AKR1B15: variants seen among roughly 807,000 people sequenced by gnomAD.
The protein encoded by AKR1B15 is estradiol 17-beta-dehydrogenase AKR1B15.
AKR1B15 carries 49 observed loss-of-function variants against 38.5 expected under a neutral mutation model. The ratio of observed to expected loss-of-function variants is 1.27; its 90% CI spans 1.01 to 1.62. AKR1B15 has a LOEUF of 1.62. Among genes scored for constraint, AKR1B15 ranks in the 40% most tolerant of loss-of-function variants. AKR1B15 has a pLI of 0.00. For synonymous variants in AKR1B15, 137 were observed against 135.5 expected, an observed-to-expected ratio of 1.01 and a Z score of -0.08; for missense variants, 411 against 381.6, an observed-to-expected ratio of 1.08 and a Z score of -0.64.
intron 1 of AKR1B15, 103 bp downstream of exon 1, chr7:134,549,352 G>A (rs886926500): frequency 2.0e-5 from 3 of 152,210 alleles, no homozygotes; most frequent in African/African-American, 7.2e-5. Context: ...ACAGAGTCCT[G>A]GTTTCTGTCA....
rs1157971333 is a variant in AKR1B15 at position 134,552,196 on chromosome 7, A to G, written c.-147+2947A>G. 3.9e-5 allele frequency among the ~76,000 whole-genome samples: 6 copies of G among 152,220 alleles called. No individual in the cohort carries two copies. The South Asian group carries it at 6.2e-4, about 16-fold the overall frequency. On this transcript the variant is annotated intron_variant, in intron 1 of 11. Transcript: ENST00000457545. ...CCTCCTCGGATGAGACCTGCTTCAT[A>G]AGCTACAGGCGTCCATCTCCTTCTC... is the stretch of plus-strand genomic sequence containing the variant.
chr7:134,552,925 G>T (rs1484026368), intron 1 of AKR1B15, among the ~76,000 whole-genome samples: 1 of 152,040 alleles, frequency 6.6e-6, no homozygotes, highest in East Asian at 1.9e-4. Flanking sequence ...CACCCTAACT[G>T]CACTCTTCTC....
chr7:134,566,561 A>G (rs1794540143), intron 3 of AKR1B15, among the ~76,000 whole-genome samples: 1 of 152,146 alleles, frequency 6.6e-6, no homozygotes, highest in Non-Finnish European at 1.5e-5. Flanking sequence ...TTGTTCCATC[A>G]CTGCCTCCCT....
At chr7:134,563,754 C>T (rs1794472584) in intron 2 of AKR1B15, among the ~76,000 whole-genome samples, 3 of 152,156 alleles carry the variant, frequency 2.0e-5, no homozygotes, top group Admixed American at 2.0e-4. Context: ...ATCTTTCAGT[C>T]ACTTCACAAA....
At chr7:134,565,649 TG>T in intron 3 of AKR1B15, 1 of 1,534,610 alleles carries the variant, frequency 6.5e-7, no homozygotes, top group African/African-American at 1.4e-5. Context: ...GGTAGGGGTT[TG>T]GAGAGGTGAA....
At position 134,576,417 on chromosome 7, in the gene AKR1B15, A is replaced by C. The variant is rs137990610; in HGVS notation, c.812A>C (p.Lys271Thr). Reference sequence around the variant, plus strand: ...AAGGAGATTGCTGCAAAGCACAAAAAAACCACAGCCCAGGTACCATATTTT... The same window carrying C: ...AAGGAGATTGCTGCAAAGCACAAAACAACCACAGCCCAGGTACCATATTTT... Reference protein sequence around the residue: ...KIKEIAAKHKKTTAQVLIRFH... With the variant: ...KIKEIAAKHKTTTAQVLIRFH... The change falls in exon 9 of 12, where the codon AAA becomes ACA. Residue 271 changes from lysine (K) to threonine (T), a missense_variant. Lys to Thr is a moderately conservative substitution (Grantham distance 78). This residue lies in a region of AKR1B15 where 133 missense variants were observed against 120.3 expected (regional missense o/e 1.11). Coordinates refer to ENST00000457545, the MANE Select transcript of AKR1B15 (RefSeq NM_001080538.3). 216 of 1,614,134 alleles carry C rather than the reference A, an allele frequency of 1.3e-4. No individual in the cohort carries two copies. The East Asian group carries it at 3.6e-3, about 27-fold the overall frequency.
Position 134,579,786 on chromosome 7 carries a change from G to A in AKR1B15, c.*237G>A. ...AAATGACAATTTTTTCCACTTATCT[G>A]ATCTGATCAAATGTCTGTTAAGCAC... On this transcript the variant is annotated 3_prime_UTR_variant, in exon 12 of 12. Coordinates refer to ENST00000457545, the MANE Select transcript of AKR1B15 (RefSeq NM_001080538.3). The A allele has an allele frequency of 2.3e-6, 1 of 444,318 alleles. No homozygotes were observed. Among genetic ancestry groups the A allele is most frequent in the Non-Finnish European group, 3.9e-6 (1 of 253,882 alleles). 27.5% of individuals were successfully genotyped at this position (444,318 alleles called of 1,614,324 possible). A position where few individuals can be genotyped will look rare whatever the true frequency, so the allele number is the denominator to read the frequency against.
At chr7:134,562,967 G>T (rs565916952) in intron 2 of AKR1B15, among the ~76,000 whole-genome samples, 5 of 142,776 alleles carry the variant, frequency 3.5e-5, no homozygotes, top group African/African-American at 1.3e-4. Flanking sequence ...TTTTCTGTCT[G>T]TTTTCTCTAT....
intron 2 of AKR1B15, among the ~76,000 whole-genome samples, chr7:134,561,068 T>C (rs114060322): frequency 0.012 from 1,773 of 152,344 alleles, 38 homozygotes; most frequent in African/African-American, 0.039. Context: ...GGGACCTCTC[T>C]CTGTTATTTA....
At position 134,575,456 on chromosome 7, in the gene AKR1B15, G is replaced by T. The variant is rs773347979; in HGVS notation, c.550G>T (p.Ala184Ser). ...GCTGGTGGACGAGGGGCTGGTGAAA[G>T]CCCTTGGGGTCTCAAATTTCAACCA... ...EELVDEGLVK[A>S]LGVSNFNHFQ... Residue 184 changes from alanine (A) to serine (S), a missense_variant, in exon 7 of 12, where the codon GCC becomes TCC. By Grantham distance (99) the Ala-to-Ser change is moderately conservative. Around this residue, in one of 3 missense-constraint regions of AKR1B15, gnomAD observed 254 missense variants for 212.4 expected, o/e 1.20. Transcript: ENST00000457545. 1.1e-5 allele frequency: 17 copies of T among 1,613,776 alleles called. No individual in the cohort carries two copies. In the South Asian group the frequency reaches 1.9e-4, roughly 18 times the overall value.
chr7:134,554,540 TTAAC>T (rs1794121598), intron 1 of AKR1B15, among the ~76,000 whole-genome samples: 1 of 152,138 alleles, frequency 6.6e-6, no homozygotes, highest in African/African-American at 2.4e-5. Context: ...CCTTCAGGAC[TTAAC>T]TAACCAAGCA....
intron 5 of AKR1B15, among the ~76,000 whole-genome samples, chr7:134,571,191 C>A (rs1345649291): frequency 6.6e-6 from 1 of 152,188 alleles, no homozygotes; most frequent in Non-Finnish European, 1.5e-5. Flanking sequence ...ATCCCGAATT[C>A]CACGCCTCTT....
chr7:134,552,785 T>G (rs1794032244), intron 1 of AKR1B15, among the ~76,000 whole-genome samples: 1 of 152,180 alleles, frequency 6.6e-6, no homozygotes, highest in Non-Finnish European at 1.5e-5. Flanking sequence ...TCTTTGCTTT[T>G]GAACAGACAT....
chr7:134,563,292 C>T (rs1037718342), intron 2 of AKR1B15, among the ~76,000 whole-genome samples: 34 of 152,204 alleles, frequency 2.2e-4, no homozygotes, highest in African/African-American at 7.9e-4. Flanking sequence ...AGGATGTGGC[C>T]AGGCACAGCT....
chr7:134,569,346 G>A (rs1794615059), intron 4 of AKR1B15, 67 bp from the exon 5 acceptor site: 2 of 1,574,204 alleles, frequency 1.3e-6, no homozygotes, highest in Non-Finnish European at 8.7e-7. Context: ...CAAAAAGCAG[G>A]GACAATGAGT....
At chr7:134,561,459 G>T (rs1345200541) in intron 2 of AKR1B15, among the ~76,000 whole-genome samples, 1 of 152,160 alleles carries the variant, frequency 6.6e-6, no homozygotes, top group East Asian at 1.9e-4. Flanking sequence ...CACCTGCCTT[G>T]GCCTCCCAAA....
intron 5 of AKR1B15, 197 bp downstream of exon 5, chr7:134,569,726 G>A: frequency 3.6e-6 from 2 of 548,296 alleles, no homozygotes; most frequent in South Asian, 2.4e-5. Context: ...AACATAAATT[G>A]TGAAGATTTC....
Position 134,571,630 on chromosome 7 carries a change from T to C in AKR1B15, c.462T>C (p.Asp154=). 1 of 1,613,742 alleles carries C rather than the reference T, an allele frequency of 6.2e-7. No individual in the cohort carries two copies. Among genetic ancestry groups the C allele is most frequent in the Non-Finnish European group, 8.5e-7 (1 of 1,179,856 alleles). Residue 154 remains aspartate, a synonymous_variant, in exon 6 of 12, where the codon GAT becomes GAC. Transcript: ENST00000457545. ...CTGGGGATGACTTTTTCCCCAAAGA[T>C]GATAAAGGTAATATGATCAGTGGAA... is the stretch of plus-strand genomic sequence containing the variant. ...FKTGDDFFPK[D]DKGNMISGKG... is the part of the protein sequence containing the mutation.
At chr7:134,550,004 C>T (rs1336160486) in intron 1 of AKR1B15, among the ~76,000 whole-genome samples, 1 of 152,096 alleles carries the variant, frequency 6.6e-6, no homozygotes, top group African/African-American at 2.4e-5. Flanking sequence ...AAGACATTCA[C>T]CCGTTTAGGA....
Sources: gnomAD v4.1 joint callset for allele counts (sites outside exome capture counted in the v4.1 genomes callset) on GRCh38, gnomAD v4.1.1 for gene constraint, gnomAD v4.1.1 regional missense constraint, MANE v1.5 for transcripts, NCBI Gene and HGNC (gene_info 2026-07-23, HGNC 2026-07-21) for gene names.